FGD4: variants seen among roughly 807,000 people sequenced by gnomAD.
FGD4 encodes the protein FYVE, RhoGEF and PH domain-containing protein 4.
In FGD4, 42 loss-of-function variants were observed where a neutral mutation model predicts 102.0. The ratio of observed to expected loss-of-function variants is 0.41; its 90% CI spans 0.32 to 0.53. The LOEUF is 0.53. Among genes scored for constraint, FGD4 ranks in the 20% least tolerant of loss-of-function variants. The pLI is 0.21. For synonymous variants in FGD4, 380 were observed against 375.7 expected, an observed-to-expected ratio of 1.01 and a Z score of -0.13; for missense variants, 902 against 1,078.2, an observed-to-expected ratio of 0.84 and a Z score of 2.29.
chr12:32,482,046 C>T (rs1439158286), intron 1 of FGD4, among the ~76,000 whole-genome samples: 1 of 152,054 alleles, frequency 6.6e-6, no homozygotes, highest in African/African-American at 2.4e-5. Context: ...AGAGAACAGT[C>T]TCAAATTTAC....
At chr12:32,478,239 A>G (rs1009478169) in intron 1 of FGD4, among the ~76,000 whole-genome samples, 1 of 152,158 alleles carries the variant, frequency 6.6e-6, no homozygotes, top group Non-Finnish European at 1.5e-5. Context: ...AAGTATTGAA[A>G]TAACTTAAAT....
chr12:32,420,133 T>C (rs138346001), intron 1 of FGD4, among the ~76,000 whole-genome samples: 6 of 152,296 alleles, frequency 3.9e-5, no homozygotes, highest in South Asian at 4.1e-4. Context: ...TGACAAACAG[T>C]GTAGGCTTCT....
At chr12:32,559,600 G>T (rs1026549677) in intron 1 of FGD4, among the ~76,000 whole-genome samples, 2 of 152,128 alleles carry the variant, frequency 1.3e-5, no homozygotes, top group African/African-American at 4.8e-5. Flanking sequence ...TGACTTTGAT[G>T]AACTTATTTT....
rs869107334 is a variant in FGD4, at chr12:32,412,899, A to ATTTTTTTTT, written c.166+12957_166+12965dup. ...CTGTCCAGAGACCCCTTTTCTAGAA[A>ATTTTTTTTT]TTTTTTTTTTTTTTTTTTTTTTTTT... On this transcript the variant is annotated intron_variant, in intron 1 of 16. Transcript: ENST00000534526. Among the ~76,000 whole-genome samples, 622 of 86,962 alleles carry ATTTTTTTTT rather than the reference A, an allele frequency of 7.2e-3. 68 individuals are homozygous for ATTTTTTTTT. Among genetic ancestry groups the ATTTTTTTTT allele is most frequent in the African/African-American group, 0.032 (594 of 18,282 alleles). The allele number at this position is 86,962 out of a possible 152,430, so 57.1% of individuals were successfully genotyped here. A position where few individuals can be genotyped will look rare whatever the true frequency, so the allele number is the denominator to read the frequency against.
At chr12:32,466,867 CA>C (rs35375727) in intron 1 of FGD4, among the ~76,000 whole-genome samples, 11,095 of 62,784 alleles carry the variant, frequency 0.18, 350 homozygotes, top group Non-Finnish European at 0.21. Context: ...GAGTCTGTCT[CA>C]AAAAAAAAAA....
intron 11 of FGD4, among the ~76,000 whole-genome samples, chr12:32,622,965 T>C (rs985793449): frequency 2.0e-5 from 3 of 152,104 alleles, no homozygotes; most frequent in African/African-American, 7.2e-5. Context: ...TTATGTGGAA[T>C]CAAAAAGTGG....
intron 1 of FGD4, among the ~76,000 whole-genome samples, chr12:32,428,558 C>T (rs1036179095): frequency 1.9e-4 from 29 of 152,026 alleles, no homozygotes; most frequent in African/African-American, 6.8e-4. Flanking sequence ...TCGCTCTTCT[C>T]GAGGAGTATC....
intron 4 of FGD4, among the ~76,000 whole-genome samples, chr12:32,583,268 T>C (rs1179568107): frequency 6.6e-6 from 1 of 151,880 alleles, no homozygotes; most frequent in East Asian, 1.9e-4. Context: ...GCCCAGGAGG[T>C]CAAGGCTGTA....
At chr12:32,453,213 TA>T (rs1942845038) in intron 1 of FGD4, among the ~76,000 whole-genome samples, 1 of 50,480 alleles carries the variant, frequency 2.0e-5, no homozygotes, top group Non-Finnish European at 4.6e-5. Context: ...TATATATATA[TA>T]TATATAATAT....
chr12:32,426,935 T>C (rs893368068), intron 1 of FGD4, among the ~76,000 whole-genome samples: 8 of 138,882 alleles, frequency 5.8e-5, no homozygotes, highest in Non-Finnish European at 1.2e-4. Flanking sequence ...TTTTATTCTG[T>C]CTATCTGATT....
chr12:32,459,920 G>C (rs1302528648), intron 1 of FGD4, among the ~76,000 whole-genome samples: 1 of 151,504 alleles, frequency 6.6e-6, no homozygotes, highest in Non-Finnish European at 1.5e-5. Context: ...TTCCCAGGCT[G>C]GTCTCTAATT....
intron 1 of FGD4, among the ~76,000 whole-genome samples, chr12:32,552,271 GT>G (rs1180589933): frequency 3.3e-5 from 5 of 151,964 alleles, no homozygotes; most frequent in African/African-American, 4.8e-5. Context: ...TTCTTTGTTT[GT>G]TTTTTGAGAT....
intron 1 of FGD4, among the ~76,000 whole-genome samples, chr12:32,478,169 T>C (rs1039139472): frequency 6.6e-6 from 1 of 152,258 alleles, no homozygotes; most frequent in African/African-American, 2.4e-5. Context: ...GTTGTACTTT[T>C]GATTTAATGC....
chr12:32,479,953 TA>T lies in FGD4; in HGVS notation c.166+79996del, dbSNP rs552052514. 3.4e-3 allele frequency among the ~76,000 whole-genome samples: 520 copies of T among 151,450 alleles called. 2 individuals carry two copies. Among genetic ancestry groups the T allele is most frequent in the Middle Eastern group, 6.8e-3 (2 of 294 alleles). On this transcript the variant is annotated intron_variant, in intron 1 of 16. Coordinates refer to ENST00000534526, the MANE Select transcript of FGD4 (RefSeq NM_001370298.3). ...ACACATGCGTACCTCCACATCCAGC[TA>T]ATTTTTTGTATTTTCTTATAGAGAC...
chr12:32,534,211 C>A, intron 1 of FGD4: 1 of 909,252 alleles, frequency 1.1e-6, no homozygotes, highest in Non-Finnish European at 1.4e-6. Flanking sequence ...TCTCTGTGCT[C>A]ATACACTCCC....
chr12:32,452,160 C>T (rs1202887016), intron 1 of FGD4, among the ~76,000 whole-genome samples: 1 of 151,992 alleles, frequency 6.6e-6, no homozygotes, highest in Non-Finnish European at 1.5e-5. Context: ...TAAGTCTATT[C>T]TACTGAAGTA....
chr12:32,443,371 G>A (rs1049116854), intron 1 of FGD4, among the ~76,000 whole-genome samples: 1 of 152,028 alleles, frequency 6.6e-6, no homozygotes. Flanking sequence ...TGTTTTTAGA[G>A]ATGGGATCTC....
intron 1 of FGD4, among the ~76,000 whole-genome samples, chr12:32,510,588 G>A (rs1939259365): frequency 6.6e-6 from 1 of 152,054 alleles, no homozygotes; most frequent in Non-Finnish European, 1.5e-5. Flanking sequence ...TAGTAGGGAC[G>A]ATAAACCTGT....
chr12:32,483,768 C>T (rs929367946), intron 1 of FGD4, among the ~76,000 whole-genome samples: 1 of 152,154 alleles, frequency 6.6e-6, no homozygotes. Flanking sequence ...AAAACCTATC[C>T]TGACTGTAGA....
Sources: allele counts gnomAD v4.1 joint callset (sites outside exome capture counted in the v4.1 genomes callset), GRCh38; gene constraint gnomAD v4.1.1; transcripts MANE v1.5; gene names NCBI Gene and HGNC (gene_info 2026-07-23, HGNC 2026-07-21).